The following IGSF21 variants were observed in gnomAD, a reference collection of about 807,000 sequenced individuals.
The protein encoded by IGSF21 is immunoglobin superfamily member 21, also known as immunoglobulin superfamily member 21.
Under a neutral mutation model 46.8 loss-of-function variants are expected in IGSF21, and 28 were observed. That is an observed-to-expected ratio of 0.60 (90% confidence interval 0.44 to 0.82). The LOEUF (loss-of-function observed/expected upper bound fraction) is 0.82. Among genes scored for constraint, IGSF21 ranks in the 40% least tolerant of loss-of-function variants. The pLI, the probability that IGSF21 is intolerant of heterozygous loss-of-function variation, is 0.00. For synonymous variants in IGSF21, 284 were observed against 273.6 expected, an observed-to-expected ratio of 1.04 and a Z score of -0.38; for missense variants, 624 against 665.5, an observed-to-expected ratio of 0.94 and a Z score of 0.69.
chr1:18,119,176 T>C (rs1021596245), intron 1 of IGSF21, among the ~76,000 whole-genome samples: 5 of 152,172 alleles, frequency 3.3e-5, no homozygotes, highest in Non-Finnish European at 7.3e-5. Context: ...CTGGCTCTTG[T>C]TCATTTATGC....
rs542391632 is a variant in IGSF21, at chr1:18,308,914, G to A, written c.305+16927G>A. ...GGGCAGTGGGGCCTGGCAAGCCCAG[G>A]CCAGGGCACTCACAGGTGCAGCCTG... On this transcript the variant is annotated intron_variant, in intron 3 of 9. Coordinates refer to ENST00000251296, the MANE Select transcript of IGSF21 (RefSeq NM_032880.5). 1.7e-4 allele frequency among the ~76,000 whole-genome samples: 26 copies of A among 152,254 alleles called. No individual in the cohort carries two copies. The South Asian group carries it at 5.2e-3, about 30-fold the overall frequency.
chr1:18,255,939 A>T (rs2084888306), intron 2 of IGSF21, among the ~76,000 whole-genome samples: 1 of 152,204 alleles, frequency 6.6e-6, no homozygotes. Context: ...CAAGATGCAC[A>T]TCTGATGGTG....
intron 1 of IGSF21, among the ~76,000 whole-genome samples, chr1:18,164,196 A>G (rs2086656241): frequency 6.6e-6 from 1 of 152,166 alleles, no homozygotes; most frequent in Admixed American, 6.5e-5. Flanking sequence ...TAACTTACTC[A>G]AGGGTTTAGG....
At chr1:18,205,756 A>G (rs2084313297) in intron 1 of IGSF21, among the ~76,000 whole-genome samples, 1 of 152,230 alleles carries the variant, frequency 6.6e-6, no homozygotes, top group South Asian at 2.1e-4. Context: ...GATTGGAATC[A>G]GACTTAGGAG....
At chr1:18,282,399 A>T (rs950712999) in intron 2 of IGSF21, among the ~76,000 whole-genome samples, 2 of 151,762 alleles carry the variant, frequency 1.3e-5, no homozygotes, top group South Asian at 4.2e-4. Flanking sequence ...GGCCCTTTCT[A>T]TTTCCCCTGC....
Position 18,335,073 on chromosome 1 carries a change from G to C in IGSF21, c.424+63G>C. On this transcript the variant is annotated intron_variant, in intron 4 of 9. Transcript: ENST00000251296. The surrounding 1 kb of genome is among the most constrained non-coding windows in gnomAD (Gnocchi z 4.8). ...GGAGGACGAGTATGCTTGAGTGTGT[G>C]AATGTGCGCACAGAGTGGCCATCCT... 7.6e-7 allele frequency: 1 copy of C among 1,314,712 alleles called. No individual in the cohort carries two copies. The highest frequency in any genetic ancestry group is 1.1e-6 in the Non-Finnish European group (1 of 908,966). 81.4% of individuals were successfully genotyped at this position (1,314,712 alleles called of 1,614,324 possible).
intron 1 of IGSF21, among the ~76,000 whole-genome samples, chr1:18,185,696 T>A (rs1449460858): frequency 6.6e-6 from 1 of 152,180 alleles, no homozygotes; most frequent in East Asian, 1.9e-4. Context: ...CAACTTTACC[T>A]CTCCGTGCCT....
At chr1:18,231,911 C>T (rs975659049) in intron 2 of IGSF21, among the ~76,000 whole-genome samples, 1 of 114,290 alleles carries the variant, frequency 8.7e-6, no homozygotes, top group Non-Finnish European at 2.0e-5. Context: ...GGTAACCTGA[C>T]ATCATTAGAT....
Position 18,335,745 on chromosome 1 carries a change from C to T in IGSF21, c.424+735C>T, listed in dbSNP as rs1292440025. 6.6e-6 allele frequency among the ~76,000 whole-genome samples: 1 copy of T among 152,186 alleles called. No individual in the cohort carries two copies. Among genetic ancestry groups the T allele is most frequent in the African/African-American group, 2.4e-5 (1 of 41,448 alleles). On this transcript the variant is annotated intron_variant, in intron 4 of 9. Coordinates refer to ENST00000251296, the MANE Select transcript of IGSF21 (RefSeq NM_032880.5). The surrounding 1 kb of genome is among the most constrained non-coding windows in gnomAD (Gnocchi z 4.8). Reference sequence around the variant, plus strand: ...AATAATACGTATCAGGGAAACAAAGCTTGCGGTACACAGGCAATCGATGAA... The same window carrying T: ...AATAATACGTATCAGGGAAACAAAGTTTGCGGTACACAGGCAATCGATGAA...
chr1:18,351,707 G>A (rs1231102116), intron 4 of IGSF21, among the ~76,000 whole-genome samples: 2 of 152,138 alleles, frequency 1.3e-5, no homozygotes, highest in South Asian at 2.1e-4. Context: ...TGGTGAAATC[G>A]CCCGTGTGTG....
chr1:18,210,596 C>T (rs2084381531), intron 1 of IGSF21, among the ~76,000 whole-genome samples: 1 of 152,142 alleles, frequency 6.6e-6, no homozygotes, highest in Non-Finnish European at 1.5e-5. Context: ...TGCATACCCC[C>T]CTGAAGTTTG....
At chr1:18,333,020 CAAA>C (rs1030326301) in intron 3 of IGSF21, among the ~76,000 whole-genome samples, 3 of 152,136 alleles carry the variant, frequency 2.0e-5, no homozygotes, top group Admixed American at 6.5e-5. Flanking sequence ...GGTGGGAGAG[CAAA>C]GTGGGAAGTG....
At chr1:18,332,596 A>G (rs1015845572) in intron 3 of IGSF21, among the ~76,000 whole-genome samples, 2 of 152,024 alleles carry the variant, frequency 1.3e-5, no homozygotes, top group African/African-American at 4.8e-5. Context: ...GCTGAGTTAC[A>G]AACAAAGAAA....
intron 4 of IGSF21, among the ~76,000 whole-genome samples, chr1:18,357,800 G>A (rs1427399420): frequency 6.6e-6 from 1 of 152,096 alleles, no homozygotes; most frequent in African/African-American, 2.4e-5. Flanking sequence ...GATGCAGAGT[G>A]ACATTTTCCT....
At chr1:18,252,913 A>G (rs1396292977) in intron 2 of IGSF21, among the ~76,000 whole-genome samples, 2 of 152,210 alleles carry the variant, frequency 1.3e-5, no homozygotes, top group Non-Finnish European at 2.9e-5. Flanking sequence ...TATGAGGGCT[A>G]CATGAGATAG....
At chr1:18,367,276 A>G (rs61234427) in intron 6 of IGSF21, among the ~76,000 whole-genome samples, 34,515 of 152,094 alleles carry the variant, frequency 0.23, 4,645 homozygotes, top group Non-Finnish European at 0.3. Context: ...ATACCAAAGA[A>G]AAGGATTTCT....
chr1:18,200,113 G>A (rs1250546398), intron 1 of IGSF21, among the ~76,000 whole-genome samples: 1 of 152,192 alleles, frequency 6.6e-6, no homozygotes, highest in African/African-American at 2.4e-5. Flanking sequence ...GCTTGCCTTA[G>A]TTCTTGGTTC....
intron 2 of IGSF21, among the ~76,000 whole-genome samples, chr1:18,248,445 T>A (rs1259272700): frequency 6.6e-6 from 1 of 152,188 alleles, no homozygotes; most frequent in Non-Finnish European, 1.5e-5. Flanking sequence ...AAAGTGATGC[T>A]GGGATTTTCC....
chr1:18,147,140 C>T (rs1022762312), intron 1 of IGSF21, among the ~76,000 whole-genome samples: 1 of 152,218 alleles, frequency 6.6e-6, no homozygotes, highest in Admixed American at 6.5e-5. Context: ...GGCTGCCACC[C>T]TCATCATCCA....
Sources: gnomAD v4.1 joint callset for allele counts (sites outside exome capture counted in the v4.1 genomes callset) on GRCh38, gnomAD v4.1.1 for gene constraint, Gnocchi (gnomAD v3.1) non-coding constraint, MANE v1.5 for transcripts, NCBI Gene and HGNC (gene_info 2026-07-23, HGNC 2026-07-21) for gene names.